The following DCC variants were observed in gnomAD, a reference collection of about 807,000 sequenced individuals.
DCC encodes netrin receptor DCC.
In DCC, 58 loss-of-function variants were observed where a neutral mutation model predicts 172.5. The observed-to-expected ratio is 0.34, with a 90% CI of 0.27 to 0.42. The LOEUF (loss-of-function observed/expected upper bound fraction) is 0.42. Among genes scored for constraint, DCC ranks in the 10% least tolerant of loss-of-function variants. The probability of loss-of-function intolerance (pLI) is 1.00; values close to 1 mark genes in which losing one functional copy is unlikely to be tolerated. For synonymous variants in DCC, 709 were observed against 644.5 expected, an observed-to-expected ratio of 1.10 and a Z score of -1.52; for missense variants, 1,740 against 1,791.0, an observed-to-expected ratio of 0.97 and a Z score of 0.51.
At chr18:52,876,602 T>C (rs1314753813) in intron 2 of DCC, among the ~76,000 whole-genome samples, 2 of 152,226 alleles carry the variant, frequency 1.3e-5, no homozygotes, top group African/African-American at 4.8e-5. Context: ...ATGTTTAGGG[T>C]TAATTCTGCA....
intron 7 of DCC, among the ~76,000 whole-genome samples, chr18:53,083,977 T>G (rs2042841771): frequency 1.3e-5 from 2 of 152,210 alleles, no homozygotes; most frequent in Non-Finnish European, 2.9e-5. Flanking sequence ...TGAGTTAGTG[T>G]GGGCCAGAAA....
chr18:53,176,531 C>T (rs1248076320), intron 8 of DCC, among the ~76,000 whole-genome samples: 5 of 151,474 alleles, frequency 3.3e-5, no homozygotes, highest in African/African-American at 1.2e-4. Flanking sequence ...CATGAACAGA[C>T]ACTTCTCAAA....
At chr18:52,593,281 C>A (rs568710557) in intron 1 of DCC, among the ~76,000 whole-genome samples, 1 of 152,134 alleles carries the variant, frequency 6.6e-6, no homozygotes, top group African/African-American at 2.4e-5. Context: ...TAAGTCAGAA[C>A]GTGGTAAACT....
intron 7 of DCC, among the ~76,000 whole-genome samples, chr18:53,149,588 T>A (rs2043968861): frequency 6.6e-6 from 1 of 152,244 alleles, no homozygotes; most frequent in Admixed American, 6.5e-5. Flanking sequence ...AAAGGCACTT[T>A]CCTAAATAAG....
chr18:53,243,801 C>A (rs11082974), intron 12 of DCC, among the ~76,000 whole-genome samples: 54,631 of 151,962 alleles, frequency 0.36, 10,938 homozygotes, highest in East Asian at 0.6. Context: ...TCTGACTCCC[C>A]GATTCAGCTG....
At chr18:53,341,030 T>C (rs1397059905) in intron 15 of DCC, among the ~76,000 whole-genome samples, 1 of 152,188 alleles carries the variant, frequency 6.6e-6, no homozygotes, top group Non-Finnish European at 1.5e-5. Flanking sequence ...CTACTGGAAA[T>C]CTCCACAATT....
At position 52,448,425 on chromosome 18, in the gene DCC, G is replaced by C. The variant is rs955987426; in HGVS notation, c.91+107547G>C. Among the ~76,000 whole-genome samples the C allele has an allele frequency of 2.0e-4, 30 of 151,944 alleles. 1 individual carries two copies. The stretch of plus-strand genomic sequence containing the variant: ...ATACATTTTGTTATTAGAGTAGAAT[G>C]TTAATGAAAGGAAATACTGATAGAT... On this transcript the variant is annotated intron_variant, in intron 1 of 28. Transcript: ENST00000442544.
In DCC at chr18:52,883,280, T is replaced by C. The variant is rs190332405; in HGVS notation, c.413-22764T>C. On this transcript the variant is annotated intron_variant, in intron 2 of 28. Coordinates refer to ENST00000442544, the MANE Select transcript of DCC (RefSeq NM_005215.4). ...GTTATGATTGATAAGTAAGGACTTA[T>C]TCCTGTCACTTTGTTATTTGTTTTC... is the stretch of plus-strand genomic sequence containing the variant. 2.1e-3 allele frequency among the ~76,000 whole-genome samples: 313 copies of C among 152,060 alleles called. 1 individual carries two copies. The highest frequency in any genetic ancestry group is 7.2e-3 in the African/African-American group (297 of 41,534).
At chr18:53,142,512 T>A (rs957749065) in intron 7 of DCC, among the ~76,000 whole-genome samples, 2 of 152,218 alleles carry the variant, frequency 1.3e-5, no homozygotes, top group African/African-American at 2.4e-5. Flanking sequence ...TGGAGTCTAC[T>A]CTTTTTTAGA....
chr18:53,329,122 T>A (rs7240629), intron 14 of DCC, among the ~76,000 whole-genome samples: 25,475 of 151,920 alleles, frequency 0.17, 2,709 homozygotes, highest in African/African-American at 0.29. Flanking sequence ...GGCAGTTTTT[T>A]AAAAAAATAT....
intron 15 of DCC, among the ~76,000 whole-genome samples, chr18:53,359,171 T>C (rs1425189470): frequency 1.3e-5 from 2 of 152,138 alleles, no homozygotes; most frequent in Non-Finnish European, 2.9e-5. Context: ...GAGTTATAAA[T>C]AGAGAGATAA....
At chr18:53,011,437 A>T (rs1358308755) in intron 5 of DCC, among the ~76,000 whole-genome samples, 1 of 151,614 alleles carries the variant, frequency 6.6e-6, no homozygotes, top group Non-Finnish European at 1.5e-5. Flanking sequence ...TTTCAAAGGG[A>T]TATTTTTACT....
At chr18:53,031,652 A>C (rs955495725) in intron 5 of DCC, among the ~76,000 whole-genome samples, 2 of 152,144 alleles carry the variant, frequency 1.3e-5, no homozygotes, top group African/African-American at 4.8e-5. Flanking sequence ...GAAATATAAG[A>C]CAAAAATAAA....
intron 2 of DCC, among the ~76,000 whole-genome samples, chr18:52,792,057 G>T (rs78227186): frequency 6.6e-6 from 1 of 152,042 alleles, no homozygotes; most frequent in African/African-American, 2.4e-5. Flanking sequence ...CAAAGAATTG[G>T]GAAGCCAGGG....
chr18:53,338,970 G>A (rs2057622881), intron 14 of DCC, among the ~76,000 whole-genome samples: 1 of 152,148 alleles, frequency 6.6e-6, no homozygotes. Context: ...TTTGAACTCT[G>A]CTCTTTCTTA....
intron 5 of DCC, among the ~76,000 whole-genome samples, chr18:53,030,847 T>C (rs2042016661): frequency 6.6e-6 from 1 of 152,166 alleles, no homozygotes; most frequent in Non-Finnish European, 1.5e-5. Flanking sequence ...GAAATACATA[T>C]ACCTGCACAC....
At chr18:52,968,810 A>G in intron 5 of DCC, among the ~76,000 whole-genome samples, 1 of 152,318 alleles carries the variant, frequency 6.6e-6, no homozygotes, top group Non-Finnish European at 1.5e-5. Context: ...TAAATTTCCA[A>G]TAAAATAGCT....
chr18:52,953,376 G>A (rs1161344837), intron 5 of DCC, among the ~76,000 whole-genome samples: 2 of 152,150 alleles, frequency 1.3e-5, no homozygotes, highest in Non-Finnish European at 1.5e-5. Flanking sequence ...CTCGACTGAT[G>A]TCTTCTCCAG....
At chr18:53,419,579 G>T (rs1397813643) in intron 21 of DCC, among the ~76,000 whole-genome samples, 2 of 151,304 alleles carry the variant, frequency 1.3e-5, no homozygotes, top group Non-Finnish European at 2.9e-5. Context: ...CCTTCAATTT[G>T]TCTGTGCTGT....
Sources: allele counts gnomAD v4.1 joint callset (sites outside exome capture counted in the v4.1 genomes callset), GRCh38; gene constraint gnomAD v4.1.1; transcripts MANE v1.5; gene names NCBI Gene and HGNC (gene_info 2026-07-23, HGNC 2026-07-21).